EVI5: variants seen among roughly 807,000 people sequenced by gnomAD.
EVI5 encodes the protein ecotropic viral integration site 5, also known as ecotropic viral integration site 5 protein homolog.
A neutral mutation model predicts 112.0 loss-of-function variants in EVI5; 73 were observed. The observed-to-expected ratio is 0.65, with a 90% CI of 0.54 to 0.79. The LOEUF (loss-of-function observed/expected upper bound fraction) is 0.79, where lower values mean the gene tolerates loss of function less well. Ranked by LOEUF, EVI5 falls within the 30% of genes least tolerant of loss-of-function variation. The pLI is 0.00. For missense variants in EVI5, 900 were observed against 968.8 expected, an observed-to-expected ratio of 0.93 and a Z score of 0.94; for synonymous variants, 305 against 319.9, an observed-to-expected ratio of 0.95 and a Z score of 0.50.
At chr1:92,610,328 C>T (rs1651464647) in intron 16 of EVI5, among the ~76,000 whole-genome samples, 1 of 152,206 alleles carries the variant, frequency 6.6e-6, no homozygotes, top group Admixed American at 6.5e-5. Context: ...CAGAGGGACC[C>T]ATCTTTGACA....
At chr1:92,516,576 G>C (rs1186581959) in intron 19 of EVI5, among the ~76,000 whole-genome samples, 2 of 152,146 alleles carry the variant, frequency 1.3e-5, no homozygotes, top group Non-Finnish European at 1.5e-5. Context: ...ATCTGATGAG[G>C]GAGGAGTCCT....
Position 92,509,207 on chromosome 1 carries a change from GA to G in EVI5, c.*4448del, listed in dbSNP as rs1311935245. On this transcript the variant is annotated 3_prime_UTR_variant, in exon 20 of 20. Coordinates refer to ENST00000684568, the MANE Select transcript of EVI5 (RefSeq NM_001350197.2). ...TATATAAAAGATAAATGAGAATAAGGAACTAAATTATTTCTTACGATGTCAG... is the reference window on the plus strand; with the variant it reads ...TATATAAAAGATAAATGAGAATAAGGACTAAATTATTTCTTACGATGTCAG... 1 of 152,376 alleles carries G rather than the reference GA, an allele frequency of 6.6e-6. No individual in the cohort carries two copies. The highest frequency in any genetic ancestry group is 1.5e-5 in the Non-Finnish European group (1 of 68,012). 9.4% of individuals were successfully genotyped at this position (152,376 alleles called of 1,614,324 possible). A position where few individuals can be genotyped will look rare whatever the true frequency, so the allele number is the denominator to read the frequency against.
intron 18 of EVI5, among the ~76,000 whole-genome samples, chr1:92,592,396 G>A (rs1171019173): frequency 6.6e-6 from 1 of 152,212 alleles, no homozygotes; most frequent in Non-Finnish European, 1.5e-5. Flanking sequence ...CAACATACCA[G>A]AATCTCTGGG....
intron 1 of EVI5, among the ~76,000 whole-genome samples, chr1:92,766,956 C>A (rs1682726474): frequency 6.6e-6 from 1 of 151,950 alleles, no homozygotes; most frequent in Non-Finnish European, 1.5e-5. Context: ...GTGGCACACA[C>A]CTGTAATCCC....
At chr1:92,525,393 C>T (rs1032164136) in intron 19 of EVI5, among the ~76,000 whole-genome samples, 6 of 151,352 alleles carry the variant, frequency 4.0e-5, no homozygotes, top group Admixed American at 2.6e-4. Context: ...CTCAGCCTCC[C>T]GAGTAGCTGG....
At position 92,530,163 on chromosome 1, in the gene EVI5, T is replaced by C. The variant is rs889878434; in HGVS notation, c.2167-16193A>G. Reference sequence around the variant, plus strand: ...TTGACAAGAGCAGGCACATGAACTATACTGAACAGACGGTAGGATTCTTGA... The same window carrying C: ...TTGACAAGAGCAGGCACATGAACTACACTGAACAGACGGTAGGATTCTTGA... On this transcript the variant is annotated intron_variant, in intron 19 of 19. Coordinates refer to ENST00000684568, the MANE Select transcript of EVI5 (RefSeq NM_001350197.2). Among the ~76,000 whole-genome samples the C allele has an allele frequency of 1.8e-4, 28 of 152,160 alleles. 1 individual carries two copies. The highest frequency in any genetic ancestry group is 6.8e-4 in the African/African-American group (28 of 41,426).
intron 2 of EVI5, among the ~76,000 whole-genome samples, chr1:92,729,698 T>C (rs1192712294): frequency 6.6e-6 from 1 of 152,234 alleles, no homozygotes. Context: ...TAGTACCTAA[T>C]ACAATGTAAA....
intron 13 of EVI5, among the ~76,000 whole-genome samples, chr1:92,649,174 T>C (rs1426281182): frequency 6.6e-6 from 1 of 152,234 alleles, no homozygotes; most frequent in Non-Finnish European, 1.5e-5. Flanking sequence ...GCATATCTTC[T>C]TTGGAGAAAA....
At chr1:92,685,076 A>C (rs372742974) in intron 9 of EVI5, among the ~76,000 whole-genome samples, 4 of 151,886 alleles carry the variant, frequency 2.6e-5, no homozygotes, top group East Asian at 1.9e-4. Flanking sequence ...CTACAGAACT[A>C]TCCACCCCAA....
At chr1:92,695,552 A>G (rs1670186586) in intron 6 of EVI5, 99 bp from the exon 7 acceptor site, 3 of 659,300 alleles carry the variant, frequency 4.6e-6, no homozygotes, top group Non-Finnish European at 7.1e-6. Context: ...CACAGATTAG[A>G]TCAAGCATCA....
intron 14 of EVI5, among the ~76,000 whole-genome samples, chr1:92,634,540 A>G (rs1016553648): frequency 3.3e-5 from 5 of 152,140 alleles, no homozygotes; most frequent in Non-Finnish European, 7.3e-5. Context: ...CAGGTCCTTT[A>G]AGGACTTCTC....
chr1:92,764,398 T>C (rs143969619), intron 1 of EVI5, among the ~76,000 whole-genome samples: 2 of 152,356 alleles, frequency 1.3e-5, no homozygotes, highest in Non-Finnish European at 2.9e-5. Flanking sequence ...TTTAAAATGA[T>C]AGTAGACCAC....
At chr1:92,640,977 C>T (rs568713669) in intron 13 of EVI5, among the ~76,000 whole-genome samples, 6 of 152,188 alleles carry the variant, frequency 3.9e-5, no homozygotes, top group South Asian at 2.1e-4. Flanking sequence ...GAACAGAATA[C>T]CAAACACCGT....
intron 19 of EVI5, among the ~76,000 whole-genome samples, chr1:92,539,559 A>ACC (rs567026272): frequency 1.2e-3 from 27 of 23,216 alleles, no homozygotes; most frequent in South Asian, 7.6e-3. Flanking sequence ...AAAAAAAAAA[A>ACC]AAAAAAATCT....
At position 92,545,158 on chromosome 1, in the gene EVI5, G is replaced by A. The variant is rs149790870; in HGVS notation, c.2166+18484C>T. Among the ~76,000 whole-genome samples the A allele has an allele frequency of 6.0e-3, 907 of 152,188 alleles. 8 individuals are homozygous for A. The highest frequency in any genetic ancestry group is 0.02 in the African/African-American group (848 of 41,526). ...ATCTTTTATCAATTACTCTTTAATT[G>A]ACACTTAGTAAATTAGTGGAGCACA... On this transcript the variant is annotated intron_variant, in intron 19 of 19. Coordinates refer to ENST00000684568, the MANE Select transcript of EVI5 (RefSeq NM_001350197.2).
chr1:92,739,963 T>C (rs563791988), intron 1 of EVI5, among the ~76,000 whole-genome samples: 11 of 122,866 alleles, frequency 9.0e-5, no homozygotes, highest in Non-Finnish European at 1.4e-4. Context: ...ATGTCAAAAG[T>C]CAAGTTACCT....
chr1:92,642,350 T>C (rs1660152508), intron 13 of EVI5, among the ~76,000 whole-genome samples: 1 of 152,228 alleles, frequency 6.6e-6, no homozygotes. Context: ...CATACGAATG[T>C]AAAACATTTT....
chr1:92,769,432 T>C (rs1429826293), intron 1 of EVI5, among the ~76,000 whole-genome samples: 1 of 152,224 alleles, frequency 6.6e-6, no homozygotes, highest in Non-Finnish European at 1.5e-5. Flanking sequence ...TCTTCTGTCC[T>C]TGTCAGTATT....
intron 19 of EVI5, among the ~76,000 whole-genome samples, chr1:92,519,849 T>C (rs1192188623): frequency 6.8e-6 from 1 of 147,332 alleles, no homozygotes; most frequent in Admixed American, 6.9e-5. Context: ...TGAGCTGAGA[T>C]CATGCCACTG....
Sources: allele counts gnomAD v4.1 joint callset (sites outside exome capture counted in the v4.1 genomes callset), GRCh38; gene constraint gnomAD v4.1.1; transcripts MANE v1.5; gene names NCBI Gene and HGNC (gene_info 2026-07-23, HGNC 2026-07-21).